The following ZFHX4 variants were observed in gnomAD, a reference collection of about 807,000 sequenced individuals.
The protein encoded by ZFHX4 is zinc finger homeobox protein 4.
A neutral mutation model predicts 267.6 loss-of-function variants in ZFHX4; 56 were observed. That is an observed-to-expected ratio of 0.21 (90% CI 0.17 to 0.26). The LOEUF (loss-of-function observed/expected upper bound fraction) is 0.26, where lower values mean the gene tolerates loss of function less well. ZFHX4 is among the 10% of genes least tolerant of loss of function. The pLI, the probability that ZFHX4 is intolerant of heterozygous loss-of-function variation, is 1.00. For missense variants in ZFHX4, 4,332 were observed against 4,420.0 expected (o/e 0.98, Z 0.56); for synonymous variants, 1,778 against 1,665.6 (o/e 1.07, Z -1.64).
At chr8:76,730,934 T>G (rs1236691864) in intron 3 of ZFHX4, among the ~76,000 whole-genome samples, 1 of 152,132 alleles carries the variant, frequency 6.6e-6, no homozygotes, top group Non-Finnish European at 1.5e-5. Flanking sequence ...CTGAAGTACA[T>G]GCAGTTGTAC....
At chr8:76,827,100 C>A (rs1811806047) in intron 4 of ZFHX4, among the ~76,000 whole-genome samples, 1 of 152,174 alleles carries the variant, frequency 6.6e-6, no homozygotes, top group Admixed American at 6.5e-5. Flanking sequence ...GGTCTCCAAC[C>A]TTTTTGGCAC....
intron 4 of ZFHX4, among the ~76,000 whole-genome samples, chr8:76,785,698 C>G: frequency 6.6e-6 from 1 of 152,168 alleles, no homozygotes; most frequent in South Asian, 2.1e-4. Flanking sequence ...ATACAAAGAC[C>G]TTCAGTGGGT....
chr8:76,859,476 T>C (rs1812813415), intron 10 of ZFHX4, among the ~76,000 whole-genome samples: 1 of 152,194 alleles, frequency 6.6e-6, no homozygotes, highest in Admixed American at 6.5e-5. Context: ...TTTAAATTTA[T>C]ATTTTATCCT....
At chr8:76,700,598 C>T (rs1401629931) in intron 1 of ZFHX4, among the ~76,000 whole-genome samples, 3 of 152,064 alleles carry the variant, frequency 2.0e-5, no homozygotes, top group South Asian at 2.1e-4. Flanking sequence ...TGACTTCAGA[C>T]GAAAGCAAAG....
chr8:76,833,793 G>T (rs1256208578), intron 5 of ZFHX4, among the ~76,000 whole-genome samples: 2 of 152,076 alleles, frequency 1.3e-5, no homozygotes, highest in African/African-American at 4.8e-5. Flanking sequence ...TACATTTTAT[G>T]GGTGTGGACA....
intron 3 of ZFHX4, among the ~76,000 whole-genome samples, chr8:76,709,951 G>T (rs1808382115): frequency 6.6e-6 from 1 of 151,866 alleles, no homozygotes; most frequent in Non-Finnish European, 1.5e-5. Context: ...TGTTGTCTTT[G>T]AATTTATAAC....
At chr8:76,699,595 C>G (rs1808049171) in intron 1 of ZFHX4, among the ~76,000 whole-genome samples, 1 of 151,926 alleles carries the variant, frequency 6.6e-6, no homozygotes, top group African/African-American at 2.4e-5. Flanking sequence ...ATTCCCCTAC[C>G]CTCTTCTCTT....
intron 4 of ZFHX4, among the ~76,000 whole-genome samples, chr8:76,812,160 A>C (rs1193821977): frequency 6.6e-6 from 1 of 152,238 alleles, no homozygotes; most frequent in Non-Finnish European, 1.5e-5. Flanking sequence ...ATGAAAGATT[A>C]AGTTGTATGT....
At chr8:76,707,050 G>A (rs1563474558) in intron 2 of ZFHX4, among the ~76,000 whole-genome samples, 1 of 152,156 alleles carries the variant, frequency 6.6e-6, no homozygotes, top group Non-Finnish European at 1.5e-5. Context: ...AAAGGGTATA[G>A]CATTATTTTG....
In ZFHX4 at chr8:76,864,096, C is replaced by A. The variant is rs1268209197; in HGVS notation, c.10382C>A (p.Ala3461Glu). The A allele has an allele frequency of 6.2e-7, 1 of 1,613,806 alleles. No individual in the cohort carries two copies. The highest frequency in any genetic ancestry group is 8.5e-7 in the Non-Finnish European group (1 of 1,179,846). Residue 3461 changes from alanine to glutamate, a missense_variant, in exon 11 of 11, where the codon GCA becomes GAA. By Grantham distance (107) the Ala-to-Glu change is moderately radical. Coordinates refer to ENST00000651372, the MANE Select transcript of ZFHX4 (RefSeq NM_024721.5). ...GATGTGGCTATCAGTGGGAATGAAG[C>A]ACTTAGCCAACACCTCCAGTCAAGC... is the stretch of plus-strand genomic sequence containing the variant. ...ACDVAISGNE[A>E]LSQHLQSSLH...
chr8:76,809,089 C>G (rs1043190356), intron 4 of ZFHX4, among the ~76,000 whole-genome samples: 2 of 152,054 alleles, frequency 1.3e-5, no homozygotes, highest in Non-Finnish European at 2.9e-5. Flanking sequence ...ATATCATACC[C>G]GTATCACTCA....
intron 4 of ZFHX4, among the ~76,000 whole-genome samples, chr8:76,831,383 C>T (rs1190623416): frequency 6.6e-6 from 1 of 151,992 alleles, no homozygotes; most frequent in Non-Finnish European, 1.5e-5. Context: ...ATGGTTTTTA[C>T]ATGCACACAC....
chr8:76,720,631 C>T (rs1323017601), intron 3 of ZFHX4, among the ~76,000 whole-genome samples: 1 of 152,104 alleles, frequency 6.6e-6, no homozygotes, highest in South Asian at 2.1e-4. Context: ...CTCCCCTGTC[C>T]TTTAAAGAAT....
chr8:76,851,225 G>T lies in ZFHX4; in HGVS notation c.4304G>T (p.Arg1435Leu). The T allele has an allele frequency of 1.9e-6, 3 of 1,613,712 alleles. No individual in the cohort carries two copies. Among genetic ancestry groups the T allele is most frequent in the South Asian group, 1.1e-5 (1 of 91,042 alleles). ...TGTAACCTCTGCCAGCGCAGTTTCC[G>T]TACATTCCAGGCTTTAAAAAAACAC... is the stretch of plus-strand genomic sequence containing the variant. ...TMCNLCQRSFRTFQALKKHLE... is the reference protein window; with the variant it reads ...TMCNLCQRSFLTFQALKKHLE... Residue 1435 changes from arginine (R) to leucine (L), a missense_variant, in exon 10 of 11, where the codon CGT becomes CTT. Around this residue, in one of 7 missense-constraint regions of ZFHX4, gnomAD observed 1,371 missense variants for 1,423.1 expected, o/e 0.96. Coordinates refer to ENST00000651372, the MANE Select transcript of ZFHX4 (RefSeq NM_024721.5).
At chr8:76,814,522 G>T (rs1211723503) in intron 4 of ZFHX4, among the ~76,000 whole-genome samples, 2 of 152,128 alleles carry the variant, frequency 1.3e-5, no homozygotes, top group African/African-American at 2.4e-5. Flanking sequence ...TACGAAGAAG[G>T]TCTATAACTC....
intron 4 of ZFHX4, among the ~76,000 whole-genome samples, chr8:76,790,588 T>C (rs1458199210): frequency 2.0e-5 from 3 of 152,192 alleles, no homozygotes; most frequent in Admixed American, 2.0e-4. Context: ...AAACTTTGAT[T>C]AAAAGGTTTA....
chr8:76,782,327 A>C (rs1478930186), intron 4 of ZFHX4: 2 of 219,310 alleles, frequency 9.1e-6, no homozygotes, highest in African/African-American at 2.3e-5. Context: ...GGACTCTACA[A>C]ATTGAAAATG....
chr8:76,758,093 C>A (rs1348790950), intron 3 of ZFHX4, among the ~76,000 whole-genome samples: 2 of 151,992 alleles, frequency 1.3e-5, no homozygotes, highest in Non-Finnish European at 2.9e-5. Context: ...CCTGAGGATA[C>A]CAAGGAAGGA....
intron 3 of ZFHX4, among the ~76,000 whole-genome samples, chr8:76,761,394 C>A (rs989131732): frequency 1.3e-5 from 2 of 152,200 alleles, no homozygotes; most frequent in Admixed American, 6.5e-5. Context: ...CATGGCAATG[C>A]TACATGTGGG....
Sources: gnomAD v4.1 joint callset for allele counts (sites outside exome capture counted in the v4.1 genomes callset) on GRCh38, gnomAD v4.1.1 for gene constraint, gnomAD v4.1.1 regional missense constraint, MANE v1.5 for transcripts, NCBI Gene and HGNC (gene_info 2026-07-23, HGNC 2026-07-21) for gene names.